The following CMTM4 variants were observed in gnomAD, a reference collection of about 807,000 sequenced individuals.
CMTM4 encodes the protein CKLF-like MARVEL transmembrane domain-containing protein 4.
CMTM4 carries 8 observed loss-of-function variants against 19.0 expected under a neutral mutation model. The observed-to-expected ratio is 0.42, with a 90% confidence interval of 0.25 to 0.76. The LOEUF (loss-of-function observed/expected upper bound fraction) is 0.76. CMTM4 is among the 30% of genes least tolerant of loss of function. The probability of loss-of-function intolerance (pLI) is 0.27; values close to 1 mark genes in which losing one functional copy is unlikely to be tolerated. For synonymous variants in CMTM4, 106 were observed against 121.1 expected (o/e 0.88, Z 0.82); for missense variants, 228 against 290.2 (o/e 0.79, Z 1.56).
At chr16:66,611,188 C>G, downstream of CMTM4, 1 of 219,730 alleles carries the variant, frequency 4.6e-6, no homozygotes, top group Non-Finnish European at 8.9e-6. Flanking sequence ...CACAGTGGCT[C>G]ACGCCTGTAA....
chr16:66,682,144 C>T (rs562740339), intron 1 of CMTM4, among the ~76,000 whole-genome samples: 1 of 152,244 alleles, frequency 6.6e-6, no homozygotes, highest in South Asian at 2.1e-4. Flanking sequence ...TCTAATAGTA[C>T]CTGGCCCACC....
At chr16:66,644,435 G>A (rs985630745) in intron 1 of CMTM4, among the ~76,000 whole-genome samples, 1 of 152,174 alleles carries the variant, frequency 6.6e-6, no homozygotes, top group African/African-American at 2.4e-5. Flanking sequence ...AGGATCTATT[G>A]CAGTGGAGGC....
intron 2 of CMTM4, among the ~76,000 whole-genome samples, chr16:66,625,541 G>A (rs1422536114): frequency 6.6e-6 from 1 of 152,016 alleles, no homozygotes. Flanking sequence ...TAACAGTAGT[G>A]AGTGAAGAAT....
At chr16:66,686,871 T>C (rs372229951) in intron 1 of CMTM4, among the ~76,000 whole-genome samples, 6 of 152,204 alleles carry the variant, frequency 3.9e-5, no homozygotes, top group African/African-American at 7.2e-5. Flanking sequence ...AGGACATTTA[T>C]TGACGCATCT....
At chr16:66,628,723 T>C (rs916327474) in intron 2 of CMTM4, among the ~76,000 whole-genome samples, 6 of 152,170 alleles carry the variant, frequency 3.9e-5, no homozygotes, top group African/African-American at 1.4e-4. Context: ...TGATCTCTCT[T>C]TTTTTCCCCT....
chr16:66,648,003 A>G (rs2016237595), intron 1 of CMTM4, among the ~76,000 whole-genome samples: 1 of 152,260 alleles, frequency 6.6e-6, no homozygotes, highest in Non-Finnish European at 1.5e-5. Context: ...GACAGCTGTC[A>G]TTAGGGTTGT....
chr16:66,613,962 G>A (rs1274122634), downstream of CMTM4: 2 of 152,044 alleles, frequency 1.3e-5, no homozygotes, highest in Non-Finnish European at 2.9e-5. Flanking sequence ...CATGGACTGG[G>A]GGTTGGCGGG....
the CMTM4 span, chr16:66,608,268 A>G: frequency 6.2e-7 from 1 of 1,611,208 alleles, no homozygotes; most frequent in Non-Finnish European, 8.5e-7. This position sits in a 1 kb window ranked among gnomAD's most constrained non-coding sequence, Gnocchi z 5.1. Flanking sequence ...GACAAGGAAC[A>G]TGAAAAGGCT....
In CMTM4 at chr16:66,621,956, A is replaced by G. The variant is rs2015644137; in HGVS notation, c.*102T>C. 4.1e-6 allele frequency: 6 copies of G among 1,466,244 alleles called. No homozygotes were observed. The highest frequency in any genetic ancestry group is 5.4e-6 in the Non-Finnish European group (6 of 1,105,374). The allele number at this position is 1,466,244 out of a possible 1,614,324, so 90.8% of individuals were successfully genotyped here. The stretch of plus-strand genomic sequence containing the variant: ...AAAATGAACTTTTACCAAAGAGGAC[A>G]AAATTCAACTGAATCACATGGAAAT... On this transcript the variant is annotated 3_prime_UTR_variant, in exon 4 of 4. Coordinates refer to ENST00000394106, the MANE Select transcript of CMTM4 (RefSeq NM_181521.3).
intron 1 of CMTM4, among the ~76,000 whole-genome samples, chr16:66,670,004 A>T (rs536667017): frequency 6.6e-6 from 1 of 152,360 alleles, no homozygotes; most frequent in East Asian, 1.9e-4. Flanking sequence ...CTTAATCATG[A>T]AACAAAAATA....
intron 1 of CMTM4, among the ~76,000 whole-genome samples, chr16:66,644,923 A>C (rs1421026386): frequency 6.6e-6 from 1 of 152,256 alleles, no homozygotes; most frequent in Non-Finnish European, 1.5e-5. Flanking sequence ...ATGTCAAATC[A>C]GGCCATTTTC....
chr16:66,676,497 C>T (rs1253892143), intron 1 of CMTM4, among the ~76,000 whole-genome samples: 4 of 152,132 alleles, frequency 2.6e-5, no homozygotes, highest in Non-Finnish European at 5.9e-5. Flanking sequence ...CACCAAACAA[C>T]GGGGTAGCTA....
chr16:66,599,976 T>C, the CMTM4 span, among the ~76,000 whole-genome samples: 564 of 152,170 alleles, frequency 3.7e-3, 3 homozygotes, highest in South Asian at 0.018. Context: ...TGTCTCATGA[T>C]GTTGAGCATC....
chr16:66,640,143 G>A (rs941699328), intron 1 of CMTM4, among the ~76,000 whole-genome samples: 1 of 151,966 alleles, frequency 6.6e-6, no homozygotes, highest in African/African-American at 2.4e-5. Context: ...GGCCAACATG[G>A]TGAAACCACT....
intron 1 of CMTM4, among the ~76,000 whole-genome samples, chr16:66,695,283 C>G (rs1419615147): frequency 1.3e-5 from 2 of 152,034 alleles, no homozygotes; most frequent in Admixed American, 6.6e-5. Flanking sequence ...GGAGGTCGAA[C>G]CTGCAGTGAG....
intron 1 of CMTM4, among the ~76,000 whole-genome samples, chr16:66,675,764 A>T (rs1462099333): frequency 6.6e-6 from 1 of 152,118 alleles, no homozygotes; most frequent in Non-Finnish European, 1.5e-5. Context: ...AGCGCCACAC[A>T]CTGCAGGACC....
chr16:66,617,973 TG>T lies in CMTM4; in HGVS notation c.*4084del. ...CAAGACAGCCTGAGCTGTCTAGTGCTGATAGCAGACAGGTGGGGTGTTCCAG... is the reference window on the plus strand; with the variant it reads ...CAAGACAGCCTGAGCTGTCTAGTGCTATAGCAGACAGGTGGGGTGTTCCAG... On this transcript the variant is annotated 3_prime_UTR_variant, in exon 4 of 4. Coordinates refer to ENST00000394106, the MANE Select transcript of CMTM4 (RefSeq NM_181521.3). 1 of 985,914 alleles carries T rather than the reference TG, an allele frequency of 1.0e-6. No individual in the cohort carries two copies. The highest frequency in any genetic ancestry group is 1.2e-6 in the Non-Finnish European group (1 of 830,280). The allele number at this position is 985,914 out of a possible 1,614,324, so 61.1% of individuals were successfully genotyped here.
At chr16:66,609,774 A>ACTCG (rs1567395006), downstream of CMTM4, 4 of 1,606,926 alleles carry the variant, frequency 2.5e-6, no homozygotes, top group South Asian at 4.4e-5. This position sits in a 1 kb window ranked among gnomAD's most constrained non-coding sequence, Gnocchi z 4.4. Flanking sequence ...TGTGCCTGAC[A>ACTCG]CTCGGGCTGT....
chr16:66,671,644 A>T (rs2016709506), intron 1 of CMTM4, among the ~76,000 whole-genome samples: 1 of 152,140 alleles, frequency 6.6e-6, no homozygotes, highest in Non-Finnish European at 1.5e-5. Context: ...ACACAAGAGG[A>T]GTGGGCACCT....
Sources: allele counts gnomAD v4.1 joint callset (sites outside exome capture counted in the v4.1 genomes callset), GRCh38; gene constraint gnomAD v4.1.1; non-coding constraint Gnocchi (gnomAD v3.1); transcripts MANE v1.5; gene names NCBI Gene and HGNC (gene_info 2026-07-23, HGNC 2026-07-21).